Variants in SYTL5 observed in about 807,000 individuals in gnomAD.
The protein encoded by SYTL5 is synaptotagmin like 5, also known as synaptotagmin-like protein 5.
SYTL5 carries 34 observed loss-of-function variants against 55.9 expected under a neutral mutation model. That is an observed-to-expected ratio of 0.61 (90% CI 0.46 to 0.81). SYTL5 has a LOEUF of 0.81. SYTL5 is among the 30% of genes least tolerant of loss of function. The pLI is 0.00. For synonymous variants in SYTL5, 221 were observed against 188.7 expected (o/e 1.17, Z -1.40); for missense variants, 637 against 546.7 (o/e 1.17, Z -1.65).
chrX:38,122,032 T>C (rs1937576519), intron 14 of SYTL5, 48 bp from the exon 15 acceptor site: 1 of 1,092,312 alleles, frequency 9.2e-7, no homozygotes, highest in Admixed American at 3.0e-5. Context: ...ATTTATCTAT[T>C]TTTTTTTCTC....
At chrX:37,942,158 G>A in the SYTL5 span, among the ~76,000 whole-genome samples, 2 of 111,867 alleles carry the variant, frequency 1.8e-5, no homozygotes, top group African/African-American at 6.5e-5. Flanking sequence ...TCTTTCATTA[G>A]TACATTTTTC....
At chrX:37,993,701 T>A in the SYTL5 span, among the ~76,000 whole-genome samples, 1 of 112,509 alleles carries the variant, frequency 8.9e-6, no homozygotes, top group South Asian at 3.7e-4. Context: ...AACATGTCTG[T>A]AAGTGACTTA....
At chrX:38,032,495 A>C (rs1157607497) in intron 1 of SYTL5, among the ~76,000 whole-genome samples, 1 of 111,282 alleles carries the variant, frequency 9.0e-6, no homozygotes, top group African/African-American at 3.3e-5. Flanking sequence ...CATGAGATAT[A>C]AACACTCATT....
At chrX:38,094,273 C>T (rs1348607992) in intron 7 of SYTL5, 22 bp from the exon 8 acceptor site, 1 of 1,170,924 alleles carries the variant, frequency 8.5e-7, no homozygotes, top group Admixed American at 2.3e-5. Context: ...TAATTTTTTT[C>T]TCATTTTTAC....
intron 15 of SYTL5, among the ~76,000 whole-genome samples, chrX:38,123,564 T>C (rs892057275): frequency 1.8e-5 from 2 of 111,834 alleles, no homozygotes; most frequent in Non-Finnish European, 3.8e-5. Flanking sequence ...ATAGAAGAAA[T>C]GCTTTCTTTG....
chrX:38,098,865 T>A (rs1187141220), intron 9 of SYTL5, among the ~76,000 whole-genome samples: 1 of 110,779 alleles, frequency 9.0e-6, no homozygotes, highest in African/African-American at 3.3e-5. Flanking sequence ...ACAACATGCA[T>A]GAACCTTGAA....
the SYTL5 span, among the ~76,000 whole-genome samples, chrX:37,926,193 G>T: frequency 9.0e-6 from 1 of 111,632 alleles, no homozygotes; most frequent in Non-Finnish European, 1.9e-5. Context: ...TCTCCATACT[G>T]TTTTGGTTTT....
At chrX:37,946,995 C>T in the SYTL5 span, among the ~76,000 whole-genome samples, 1 of 110,892 alleles carries the variant, frequency 9.0e-6, no homozygotes, top group Non-Finnish European at 1.9e-5. Flanking sequence ...TCCTGCAAAA[C>T]TGGTCCCCTC....
At chrX:38,103,545 T>A (rs1937134797) in intron 10 of SYTL5, among the ~76,000 whole-genome samples, 1 of 110,302 alleles carries the variant, frequency 9.1e-6, no homozygotes, top group African/African-American at 3.3e-5. Context: ...TAGACACAAA[T>A]CAGTGATATA....
intron 3 of SYTL5, among the ~76,000 whole-genome samples, chrX:38,062,007 A>G (rs1031325414): frequency 6.4e-5 from 7 of 109,529 alleles, no homozygotes; most frequent in Admixed American, 4.9e-4. Flanking sequence ...TTGCTCTGTC[A>G]CCCAAGCCGG....
At chrX:37,899,765 T>C in the SYTL5 span, among the ~76,000 whole-genome samples, 1 of 111,590 alleles carries the variant, frequency 9.0e-6, no homozygotes, top group African/African-American at 3.3e-5. Flanking sequence ...TTTTAATATA[T>C]TGGGTACCTA....
chrX:37,949,769 G>A, the SYTL5 span, among the ~76,000 whole-genome samples: 5 of 112,119 alleles, frequency 4.5e-5, no homozygotes, highest in Non-Finnish European at 1.9e-5. Context: ...GCACCTGGGT[G>A]CCCAGTTGAC....
At position 38,110,458 on chromosome X, in the gene SYTL5, T is replaced by C; in HGVS notation, c.1572T>C (p.Asp524=). The C allele has an allele frequency of 8.3e-7, 1 of 1,205,039 alleles. No homozygotes were observed. Among genetic ancestry groups the C allele is most frequent in the East Asian group, 3.0e-5 (1 of 33,642 alleles). The stretch of plus-strand genomic sequence containing the variant: ...CATGGAACTTTGAAAATCCAACTGA[T>C]GAGTGGTTTGTGCTTCAACCCAAGG... The part of the protein sequence containing the change: ...FDSWNFENPT[D]EWFVLQPKVE... The change falls in exon 13 of 17, where the codon GAT becomes GAC. Residue 524 remains aspartate (D), a synonymous_variant. Transcript: ENST00000297875.
chrX:37,948,536 T>C, the SYTL5 span, among the ~76,000 whole-genome samples: 1 of 110,312 alleles, frequency 9.1e-6, no homozygotes, highest in Non-Finnish European at 1.9e-5. Flanking sequence ...TATATTTTTA[T>C]ATATATTTAG....
At chrX:37,987,945 C>T in the SYTL5 span, among the ~76,000 whole-genome samples, 2 of 111,919 alleles carry the variant, frequency 1.8e-5, no homozygotes, top group Non-Finnish European at 3.8e-5. Flanking sequence ...TCCTCTCTTC[C>T]CTGCCAGAGT....
At chrX:38,023,431 A>G (rs1362934509) in intron 1 of SYTL5, among the ~76,000 whole-genome samples, 3 of 111,541 alleles carry the variant, frequency 2.7e-5, no homozygotes, top group South Asian at 3.8e-4. Flanking sequence ...CCCTTCTCTG[A>G]CCCCTAACAA....
chrX:38,038,474 TTTA>T (rs1327279473), intron 2 of SYTL5, among the ~76,000 whole-genome samples: 5 of 112,271 alleles, frequency 4.5e-5, no homozygotes, highest in African/African-American at 1.6e-4. Context: ...GGTAACAGAT[TTTA>T]TTACAACAGT....
chrX:37,940,606 A>G, the SYTL5 span, among the ~76,000 whole-genome samples: 2 of 101,277 alleles, frequency 2.0e-5, no homozygotes, highest in Non-Finnish European at 3.9e-5. Flanking sequence ...GTGTGTATGT[A>G]TATATATATA....
chrX:37,998,285 C>T, the SYTL5 span, among the ~76,000 whole-genome samples: 2 of 112,508 alleles, frequency 1.8e-5, no homozygotes, highest in South Asian at 7.4e-4. Context: ...GCCCCTTGCT[C>T]GCCATGTTGC....
Sources: allele counts gnomAD v4.1 joint callset (sites outside exome capture counted in the v4.1 genomes callset), GRCh38; gene constraint gnomAD v4.1.1; transcripts MANE v1.5; gene names NCBI Gene and HGNC (gene_info 2026-07-23, HGNC 2026-07-21).